VEPH1: variants seen among roughly 807,000 people sequenced by gnomAD.
VEPH1 encodes ventricular zone-expressed PH domain-containing protein homolog 1.
Under a neutral mutation model 85.2 loss-of-function variants are expected in VEPH1, and 80 were observed. The observed-to-expected ratio is 0.94, with a 90% CI of 0.78 to 1.13. The LOEUF (loss-of-function observed/expected upper bound fraction) is 1.13. VEPH1 is among the 50% of genes most tolerant of loss of function. The pLI, the probability that VEPH1 is intolerant of heterozygous loss-of-function variation, is 0.00. For missense variants in VEPH1, 955 were observed against 980.5 expected (o/e 0.97, Z 0.35); for synonymous variants, 297 against 348.0 (o/e 0.85, Z 1.63).
chr3:157,314,202 G>A (rs1046301270), intron 10 of VEPH1, among the ~76,000 whole-genome samples: 2 of 151,056 alleles, frequency 1.3e-5, no homozygotes, highest in Non-Finnish European at 3.0e-5. Flanking sequence ...GCGTGGTGGC[G>A]GGAGCCTGTA....
At chr3:157,284,667 T>TA (rs68096949) in intron 12 of VEPH1, among the ~76,000 whole-genome samples, 70 of 72,636 alleles carry the variant, frequency 9.6e-4, no homozygotes, top group Non-Finnish European at 1.2e-3. Context: ...AGGGTTTTGG[T>TA]GAAAAAAAAA....
intron 11 of VEPH1, among the ~76,000 whole-genome samples, chr3:157,292,842 G>A (rs989171170): frequency 4.1e-5 from 6 of 147,564 alleles, no homozygotes. Context: ...AATTAGCCAG[G>A]CACGGTGGCA....
At chr3:157,473,103 C>T (rs1272387017) in intron 2 of VEPH1, among the ~76,000 whole-genome samples, 2 of 119,438 alleles carry the variant, frequency 1.7e-5, no homozygotes, top group African/African-American at 6.5e-5. Flanking sequence ...GATGGAGTCT[C>T]ACTCTGTCAC....
intron 2 of VEPH1, among the ~76,000 whole-genome samples, chr3:157,474,529 T>A (rs1243612362): frequency 6.6e-6 from 1 of 152,242 alleles, no homozygotes; most frequent in Admixed American, 6.5e-5. Flanking sequence ...AATAATTTAG[T>A]AGCATCATTC....
chr3:157,292,599 C>T (rs1344885624), intron 11 of VEPH1, among the ~76,000 whole-genome samples: 1 of 150,762 alleles, frequency 6.6e-6, no homozygotes, highest in Non-Finnish European at 1.5e-5. Context: ...GGCTGAGGCA[C>T]AAGAATTGTT....
chr3:157,437,758 G>C lies in VEPH1; in HGVS notation c.530-9270C>G, dbSNP rs776007575. 31 of 1,488,502 alleles carry C rather than the reference G, an allele frequency of 2.1e-5. No individual in the cohort carries two copies. The highest frequency in any genetic ancestry group is 4.4e-5 in the African/African-American group (3 of 67,948). 92.2% of individuals were successfully genotyped at this position (1,488,502 alleles called of 1,614,324 possible). ...GGACGAGCTGCTGCAGGCGACCCGCGACGCGGGCCGCAGGCTGGCGCGTAT... is the reference window on the plus strand; with the variant it reads ...GGACGAGCTGCTGCAGGCGACCCGCCACGCGGGCCGCAGGCTGGCGCGTAT... On this transcript the variant is annotated intron_variant, in intron 4 of 13. Transcript: ENST00000362010.
chr3:157,480,124 G>A (rs1737893951), intron 2 of VEPH1, among the ~76,000 whole-genome samples: 1 of 82,518 alleles, frequency 1.2e-5, no homozygotes, highest in African/African-American at 5.1e-5. Context: ...TATCTTTATT[G>A]CATTTCCAGT....
chr3:157,499,855 GGGA>G (rs1188715064), intron 1 of VEPH1, among the ~76,000 whole-genome samples: 3 of 152,108 alleles, frequency 2.0e-5, no homozygotes, highest in South Asian at 2.1e-4. Context: ...AGAGCTCCAG[GGGA>G]GGAGAAGAGA....
At chr3:157,437,068 G>T (rs1298349248) in intron 4 of VEPH1, 6 of 1,613,666 alleles carry the variant, frequency 3.7e-6, no homozygotes, top group South Asian at 2.2e-5. Context: ...AGGACCGTAA[G>T]TTCACTTTAA....
At chr3:157,306,788 G>A (rs1357796745) in intron 11 of VEPH1, among the ~76,000 whole-genome samples, 3 of 152,014 alleles carry the variant, frequency 2.0e-5, no homozygotes, top group Non-Finnish European at 4.4e-5. Context: ...ATGGATGAAT[G>A]AAGTCTGAGA....
chr3:157,363,927 C>A (rs537919974), intron 8 of VEPH1, among the ~76,000 whole-genome samples, 166 bp from the exon 9 acceptor site: 2 of 152,084 alleles, frequency 1.3e-5, no homozygotes, highest in Non-Finnish European at 2.9e-5. Context: ...TAAACCAAAC[C>A]TTTGAAAATC....
At chr3:157,468,547 C>T (rs1736605205) in intron 3 of VEPH1, among the ~76,000 whole-genome samples, 1 of 152,026 alleles carries the variant, frequency 6.6e-6, no homozygotes, top group South Asian at 2.1e-4. Context: ...TGCACTCCAG[C>T]CTGGGCGACA....
intron 9 of VEPH1, among the ~76,000 whole-genome samples, chr3:157,317,555 C>G (rs1192921271): frequency 1.1e-4 from 17 of 152,100 alleles, no homozygotes; most frequent in Non-Finnish European, 4.4e-5. Flanking sequence ...TTAAGAAAAC[C>G]CAGGCATTTT....
intron 9 of VEPH1, among the ~76,000 whole-genome samples, chr3:157,342,286 A>T (rs1300662124): frequency 2.6e-5 from 4 of 152,290 alleles, no homozygotes; most frequent in Admixed American, 1.3e-4. Context: ...AGCACATCTC[A>T]TGTGCAGAGA....
At chr3:157,450,721 A>G (rs1404594691) in intron 4 of VEPH1, among the ~76,000 whole-genome samples, 1 of 152,096 alleles carries the variant, frequency 6.6e-6, no homozygotes, top group East Asian at 1.9e-4. Context: ...ACTTTTTACT[A>G]ATCACATGAT....
intron 11 of VEPH1, among the ~76,000 whole-genome samples, chr3:157,302,099 TCA>T (rs1466842878): frequency 2.5e-5 from 3 of 117,844 alleles, no homozygotes; most frequent in African/African-American, 1.5e-4. Context: ...CTTTGATTCC[TCA>T]TTTCCCCTCA....
Position 157,260,904 on chromosome 3 carries a change from A to G in VEPH1, c.*230T>C. ...CATACTCTGTAGCTCCTTTTATTTT[A>G]TTTTATTTTTGTGGGCATCAGATAT... On this transcript the variant is annotated 3_prime_UTR_variant, in exon 14 of 14. Coordinates refer to ENST00000362010, the MANE Select transcript of VEPH1 (RefSeq NM_001167912.2). The G allele has an allele frequency of 1.9e-6, 1 of 538,908 alleles. No individual in the cohort carries two copies. Among genetic ancestry groups the G allele is most frequent in the South Asian group, 2.4e-5 (1 of 42,116 alleles). The allele number at this position is 538,908 out of a possible 1,614,324, so 33.4% of individuals were successfully genotyped here. A position where few individuals can be genotyped will look rare whatever the true frequency, so the allele number is the denominator to read the frequency against.
chr3:157,304,019 T>TATATATATATATATATA lies in VEPH1; in HGVS notation c.2010+9601_2010+9602insTATATATATATATATAT, dbSNP rs71872669. Among the ~76,000 whole-genome samples, 413 of 52,134 alleles carry TATATATATATATATATA rather than the reference T, an allele frequency of 7.9e-3. 16 individuals carry two copies. Among genetic ancestry groups the TATATATATATATATATA allele is most frequent in the South Asian group, 0.023 (36 of 1,560 alleles). The allele number at this position is 52,134 out of a possible 152,430, so 34.2% of individuals were successfully genotyped here. Reference sequence around the variant, plus strand: ...GTAGACTTAAATTTCTCATCTTATATTTTTTATATATATATATATACACAC... The same window carrying TATATATATATATATATA: ...GTAGACTTAAATTTCTCATCTTATATATATATATATATATATATTTTTATATATATATATATACACAC... On this transcript the variant is annotated intron_variant, in intron 11 of 13. Coordinates refer to ENST00000362010, the MANE Select transcript of VEPH1 (RefSeq NM_001167912.2).
chr3:157,312,833 A>G (rs1441952012), intron 11 of VEPH1, among the ~76,000 whole-genome samples: 1 of 152,062 alleles, frequency 6.6e-6, no homozygotes, highest in African/African-American at 2.4e-5. Flanking sequence ...GGAGCTAGGA[A>G]GACCAAGATC....
Sources: allele counts gnomAD v4.1 joint callset (sites outside exome capture counted in the v4.1 genomes callset), GRCh38; gene constraint gnomAD v4.1.1; transcripts MANE v1.5; gene names NCBI Gene and HGNC (gene_info 2026-07-23, HGNC 2026-07-21).